Variants in MARK1 observed in about 807,000 individuals in gnomAD.
MARK1 encodes serine/threonine-protein kinase MARK1.
A neutral mutation model predicts 96.3 loss-of-function variants in MARK1; 40 were observed. The ratio of observed to expected loss-of-function variants is 0.42; its 90% CI spans 0.32 to 0.54. The LOEUF is 0.54. Among genes scored for constraint, MARK1 ranks in the 20% least tolerant of loss-of-function variants. The pLI, the probability that MARK1 is intolerant of heterozygous loss-of-function variation, is 0.16. For missense variants in MARK1, 719 were observed against 984.6 expected (o/e 0.73, Z 3.61); for synonymous variants, 317 against 341.2 (o/e 0.93, Z 0.78).
intron 1 of MARK1, among the ~76,000 whole-genome samples, chr1:220,536,617 G>T (rs112600952): frequency 6.6e-6 from 1 of 151,032 alleles, no homozygotes; most frequent in African/African-American, 2.4e-5. Flanking sequence ...GTGCAGTGGC[G>T]CAATCTCAGC....
At chr1:220,600,566 A>G (rs889620107) in intron 5 of MARK1, among the ~76,000 whole-genome samples, 2 of 152,214 alleles carry the variant, frequency 1.3e-5, no homozygotes, top group African/African-American at 4.8e-5. Flanking sequence ...TTTTAGACTT[A>G]GGACTTCACT....
intron 9 of MARK1, among the ~76,000 whole-genome samples, chr1:220,630,260 A>G (rs1328572515): frequency 6.6e-6 from 1 of 152,164 alleles, no homozygotes; most frequent in Non-Finnish European, 1.5e-5. Flanking sequence ...TTGGAGAAAT[A>G]TCTGTTAATT....
rs1400647354 is a variant in MARK1 at position 220,631,129 on chromosome 1, G to A, written c.1004G>A (p.Arg335Lys). Residue 335 changes from arginine to lysine, a missense_variant, in exon 10 of 18, where the codon AGA becomes AAA. Transcript: ENST00000366917. ...EPDPDFNDTK[R>K]IDIMVTMGFA... is the part of the protein sequence containing the mutation. ...GATCCGGATTTCAATGACACAAAAA[G>A]AATAGGTAAGTATTTAAACATGGTA... The A allele has an allele frequency of 1.2e-6, 2 of 1,607,752 alleles. No individual in the cohort carries two copies. Among genetic ancestry groups the A allele is most frequent in the African/African-American group, 2.7e-5 (2 of 74,748 alleles).
At chr1:220,655,109 G>C (rs1669093205) in intron 16 of MARK1, among the ~76,000 whole-genome samples, 1 of 152,144 alleles carries the variant, frequency 6.6e-6, no homozygotes, top group African/African-American at 2.4e-5. Flanking sequence ...CCCTTGCTTG[G>C]CTCTGGTTTT....
chr1:220,591,739 TTTTA>T (rs1006089984), intron 3 of MARK1, among the ~76,000 whole-genome samples: 1 of 152,158 alleles, frequency 6.6e-6, no homozygotes, highest in Non-Finnish European at 1.5e-5. Context: ...GGCCAAAGCT[TTTTA>T]TTTATTTATT....
intron 3 of MARK1, among the ~76,000 whole-genome samples, chr1:220,593,651 C>T (rs1038294332): frequency 7.2e-5 from 11 of 152,112 alleles, no homozygotes; most frequent in African/African-American, 1.2e-4. Context: ...GATGAGGTGC[C>T]CCCTTGTTTC....
At chr1:220,532,772 G>A (rs1031940950) in intron 1 of MARK1, among the ~76,000 whole-genome samples, 7 of 152,046 alleles carry the variant, frequency 4.6e-5, no homozygotes, top group Non-Finnish European at 7.4e-5. Flanking sequence ...TTGTGGGGCC[G>A]GGGTGGGAGG....
intron 9 of MARK1, chr1:220,626,492 T>C (rs1194816857): frequency 1.9e-6 from 1 of 532,938 alleles, no homozygotes; most frequent in Non-Finnish European, 3.8e-6. Context: ...TCAGACTCCT[T>C]ATCTGGGGAC....
chr1:220,549,335 G>GC (rs1661708747), intron 1 of MARK1, among the ~76,000 whole-genome samples: 1 of 152,092 alleles, frequency 6.6e-6, no homozygotes. Context: ...CACATATAGC[G>GC]CCCTTAGAAC....
At chr1:220,576,593 T>G (rs1663867745) in intron 1 of MARK1, 1 of 152,182 alleles carries the variant, frequency 6.6e-6, no homozygotes, top group Admixed American at 6.6e-5. Context: ...CAACCAGCAT[T>G]AGGAGCTGAG....
chr1:220,624,598 C>CAAA (rs36021632), intron 9 of MARK1, among the ~76,000 whole-genome samples: 1 of 69,760 alleles, frequency 1.4e-5, no homozygotes, highest in Non-Finnish European at 3.1e-5. Context: ...AACTCCGTCT[C>CAAA]AAAAAAAAAA....
intron 9 of MARK1, chr1:220,626,480 G>A (rs1256248153): frequency 1.7e-5 from 9 of 536,046 alleles, no homozygotes; most frequent in Non-Finnish European, 3.4e-5. Context: ...TTACAGTGTG[G>A]CTCAGACTCC....
chr1:220,583,792 G>T (rs1664407234), intron 3 of MARK1, among the ~76,000 whole-genome samples: 3 of 150,154 alleles, frequency 2.0e-5, no homozygotes, highest in Non-Finnish European at 3.0e-5. Flanking sequence ...GGGACTACAG[G>T]TGCATGCACC....
At position 220,620,883 on chromosome 1, in the gene MARK1, G is replaced by C. The variant is rs185717810; in HGVS notation, c.909+2128G>C. Reference sequence around the variant, plus strand: ...CACAGTTCCCAGAAATGACTTTCCAGGGAAACTTGACACCATTTTTTAAAA... The same window carrying C: ...CACAGTTCCCAGAAATGACTTTCCACGGAAACTTGACACCATTTTTTAAAA... On this transcript the variant is annotated intron_variant, in intron 9 of 17. Coordinates refer to ENST00000366917, the MANE Select transcript of MARK1 (RefSeq NM_018650.5). Among the ~76,000 whole-genome samples, 4 of 151,998 alleles carry C rather than the reference G, an allele frequency of 2.6e-5. No homozygotes were observed. The East Asian group carries it at 5.8e-4, about 22-fold the overall frequency.
At position 220,635,732 on chromosome 1, in the gene MARK1, G is replaced by C. The variant is rs559997605; in HGVS notation, c.1277-101G>C. The C allele has an allele frequency of 2.5e-4, 301 of 1,190,920 alleles. 1 individual carries two copies. In the African/African-American group the frequency reaches 4.2e-3, roughly 17 times the overall value. 73.8% of individuals were successfully genotyped at this position (1,190,920 alleles called of 1,614,324 possible). Reference sequence around the variant, plus strand: ...ATTTAATCTTCGTTCAGAGTTTAAAGCATGCAAATATGGATAATTTTAATA... The same window carrying C: ...ATTTAATCTTCGTTCAGAGTTTAAACCATGCAAATATGGATAATTTTAATA... On this transcript the variant is annotated intron_variant, in intron 12 of 17. Coordinates refer to ENST00000366917, the MANE Select transcript of MARK1 (RefSeq NM_018650.5).
intron 1 of MARK1, among the ~76,000 whole-genome samples, chr1:220,531,756 T>C (rs1160845159): frequency 6.6e-6 from 1 of 152,184 alleles, no homozygotes; most frequent in African/African-American, 2.4e-5. Context: ...CTCAACGGGC[T>C]AAATACAACA....
intron 9 of MARK1, chr1:220,625,915 A>C: frequency 1.9e-6 from 1 of 526,710 alleles, no homozygotes; most frequent in Non-Finnish European, 3.9e-6. Flanking sequence ...TCACAAACCC[A>C]GTACTGAGGA....
At chr1:220,607,593 G>A (rs562980665) in intron 6 of MARK1, among the ~76,000 whole-genome samples, 40 of 151,996 alleles carry the variant, frequency 2.6e-4, no homozygotes, top group African/African-American at 8.2e-4. Flanking sequence ...CATCCCTGTC[G>A]TGTGCCGGTT....
intron 3 of MARK1, among the ~76,000 whole-genome samples, chr1:220,590,950 A>C (rs1259170588): frequency 6.6e-6 from 1 of 152,176 alleles, no homozygotes; most frequent in Non-Finnish European, 1.5e-5. Flanking sequence ...GGAATTAAAA[A>C]TTCCAGTTAA....
Sources: gnomAD v4.1 joint callset for allele counts (sites outside exome capture counted in the v4.1 genomes callset) on GRCh38, gnomAD v4.1.1 for gene constraint, MANE v1.5 for transcripts, NCBI Gene and HGNC (gene_info 2026-07-23, HGNC 2026-07-21) for gene names.